Variants in TMPRSS9 observed in about 807,000 individuals in gnomAD.
TMPRSS9 encodes the protein transmembrane serine protease 9.
TMPRSS9 carries 113 observed loss-of-function variants against 111.4 expected under a neutral mutation model. The observed-to-expected ratio is 1.01, with a 90% CI of 0.87 to 1.19. The LOEUF (loss-of-function observed/expected upper bound fraction) is 1.19. Among genes scored for constraint, TMPRSS9 ranks in the 50% most tolerant of loss-of-function variants. The probability of loss-of-function intolerance (pLI) is 0.00; values close to 1 mark genes in which losing one functional copy is unlikely to be tolerated. For synonymous variants in TMPRSS9, 805 were observed against 659.1 expected, an observed-to-expected ratio of 1.22 and a Z score of -3.39; for missense variants, 1,803 against 1,513.1, an observed-to-expected ratio of 1.19 and a Z score of -3.18.
At chr19:2,365,654 GC>G (rs1344331687) in intron 1 of TMPRSS9, among the ~76,000 whole-genome samples, 1 of 152,124 alleles carries the variant, frequency 6.6e-6, no homozygotes, top group Non-Finnish European at 1.5e-5. Flanking sequence ...AGACAGGTGG[GC>G]AAGACAGCTA....
intron 11 of TMPRSS9, chr19:2,416,094 C>T (rs1360053090): frequency 4.5e-6 from 2 of 447,654 alleles, no homozygotes; most frequent in Non-Finnish European, 7.9e-6. Flanking sequence ...TTGGAGATTC[C>T]CAGGCATGGT....
At chr19:2,369,433 G>A (rs1340860102) in intron 1 of TMPRSS9, among the ~76,000 whole-genome samples, 1 of 151,600 alleles carries the variant, frequency 6.6e-6, no homozygotes, top group Non-Finnish European at 1.5e-5. Flanking sequence ...GCTTTTGTTT[G>A]TTTAAGACAG....
intron 3 of TMPRSS9, 43 bp from the exon 5 acceptor site, chr19:2,398,975 C>T (rs778522017): frequency 1.1e-4 from 174 of 1,585,574 alleles, no homozygotes; most frequent in Middle Eastern, 3.3e-4. Flanking sequence ...TCCAGCAGGG[C>T]GGAGCCCCTC....
chr19:2,419,675 TC>T (rs1459373079), intron 13 of TMPRSS9, among the ~76,000 whole-genome samples: 1 of 151,520 alleles, frequency 6.6e-6, no homozygotes, highest in Non-Finnish European at 1.5e-5. Context: ...TGCCTCCACG[TC>T]CAGCTAATTT....
chr19:2,425,175 T>G, exon 16 of TMPRSS9: 1 of 1,555,290 alleles, frequency 6.4e-7, no homozygotes, highest in Non-Finnish European at 8.6e-7. Flanking sequence ...CGCAGCCGCC[T>G]GGTGCGTCCC....
intron 1 of TMPRSS9, among the ~76,000 whole-genome samples, chr19:2,373,326 G>A (rs1857852230): frequency 6.6e-6 from 1 of 152,058 alleles, no homozygotes; most frequent in Admixed American, 6.6e-5. Flanking sequence ...TGCCTCCCGG[G>A]TTCAAGTGAT....
chr19:2,404,624 G>A (rs1970930428), intron 6 of TMPRSS9, among the ~76,000 whole-genome samples: 1 of 151,572 alleles, frequency 6.6e-6, no homozygotes, highest in Admixed American at 6.6e-5. Context: ...TTCATGATCA[G>A]TAGTGACAAA....
chr19:2,366,554 T>C (rs1408282717), intron 1 of TMPRSS9, among the ~76,000 whole-genome samples: 1 of 152,142 alleles, frequency 6.6e-6, no homozygotes, highest in East Asian at 1.9e-4. Flanking sequence ...CTCATGAGGT[T>C]GCAGTTAAGA....
At chr19:2,392,648 C>T (rs1473676422) in intron 1 of TMPRSS9, among the ~76,000 whole-genome samples, 4 of 152,166 alleles carry the variant, frequency 2.6e-5, no homozygotes, top group African/African-American at 9.7e-5. Flanking sequence ...GTATATGCAC[C>T]AGTGAACACT....
At chr19:2,380,991 C>G (rs1970381249) in intron 1 of TMPRSS9, among the ~76,000 whole-genome samples, 1 of 152,070 alleles carries the variant, frequency 6.6e-6, no homozygotes, top group Admixed American at 6.6e-5. Context: ...GACGGCGTGT[C>G]TAAATCAAAG....
upstream of TMPRSS9, among the ~76,000 whole-genome samples, chr19:2,386,504 CAA>C (rs954685263): frequency 1.7e-5 from 2 of 114,486 alleles, no homozygotes; most frequent in African/African-American, 3.2e-5. Flanking sequence ...GACTCCGTCT[CAA>C]AAAAAAAAAA....
rs200272996 is a variant in TMPRSS9 at position 2,363,813 on chromosome 19, CGT to C, written c.-26+3463_-26+3464del. Among the ~76,000 whole-genome samples the C allele has an allele frequency of 6.8e-3, 765 of 112,854 alleles. 6 individuals are homozygous for C. The highest frequency in any genetic ancestry group is 0.011 in the Non-Finnish European group (608 of 57,692). 74.0% of individuals were successfully genotyped at this position (112,854 alleles called of 152,430 possible). A position where few individuals can be genotyped will look rare whatever the true frequency, so the allele number is the denominator to read the frequency against. ...GAGTGTGTGTGTGTGTGCGTGCGCG[CGT>C]GTGTGTGTGAGAGAGAGAGAGAGAG... On this transcript the variant is annotated intron_variant, in intron 1 of 17. Transcript: ENST00000649857.
intron 1 of TMPRSS9, among the ~76,000 whole-genome samples, chr19:2,391,261 T>TAAAAAAAAAAAA (rs1555677770): frequency 4.0e-5 from 3 of 75,172 alleles, no homozygotes; most frequent in African/African-American, 6.3e-5. Context: ...AAAAAAAAAG[T>TAAAAAAAAAAAA]TAATTTTAAC....
intron 1 of TMPRSS9, among the ~76,000 whole-genome samples, chr19:2,395,816 G>A (rs1010789088): frequency 2.6e-5 from 4 of 152,086 alleles, no homozygotes; most frequent in Admixed American, 2.6e-4. Context: ...GACCATCCTG[G>A]CTAACACAGT....
At chr19:2,379,653 C>CTTTCTTT (rs1970369174) in intron 1 of TMPRSS9, among the ~76,000 whole-genome samples, 1 of 149,408 alleles carries the variant, frequency 6.7e-6, no homozygotes, top group South Asian at 2.1e-4. Flanking sequence ...TTCTTTCTTT[C>CTTTCTTT]TTTCTTTCTT....
chr19:2,360,615 A>T (rs1404737101), intron 1 of TMPRSS9, among the ~76,000 whole-genome samples: 1 of 151,742 alleles, frequency 6.6e-6, no homozygotes, highest in Non-Finnish European at 1.5e-5. Flanking sequence ...GTGTGGACTC[A>T]GGTGCCGCGT....
chr19:2,375,932 G>C (rs533856634), intron 1 of TMPRSS9, among the ~76,000 whole-genome samples: 1 of 152,218 alleles, frequency 6.6e-6, no homozygotes, highest in South Asian at 2.1e-4. Context: ...ATTATGAGTT[G>C]GGCAGCTCCC....
Position 2,401,840 on chromosome 19 carries a change from G to A in TMPRSS9, c.515-135G>A, listed in dbSNP as rs914472291. 2.0e-4 allele frequency: 92 copies of A among 466,460 alleles called. 1 individual carries two copies. Among genetic ancestry groups the A allele is most frequent in the African/African-American group, 1.2e-3 (58 of 47,222 alleles). 28.9% of individuals were successfully genotyped at this position (466,460 alleles called of 1,614,324 possible). A position where few individuals can be genotyped will look rare whatever the true frequency, so the allele number is the denominator to read the frequency against. ...CCAGGCTGGTCTGTAACTCCTGACC[G>A]CAAATGATCCACCCGCCTCAGCCTC... On this transcript the variant is annotated intron_variant, in intron 4 of 17. Transcript: ENST00000648592.
rs867499195 is a variant in TMPRSS9, at chr19:2,416,620, C to T, written c.1828C>T (p.Arg610Trp). 4.5e-5 allele frequency: 72 copies of T among 1,612,566 alleles called. 1 individual carries two copies. Among genetic ancestry groups the T allele is most frequent in the African/African-American group, 3.5e-4 (26 of 74,910 alleles). ...CGGGAGCCCGGTGAAGATCGGGCTGCGGCGGGTAGTGCTGCACCCCCTCTA... is the reference window on the plus strand; with the variant it reads ...CGGGAGCCCGGTGAAGATCGGGCTGTGGCGGGTAGTGCTGCACCCCCTCTA... Residue 610 changes from arginine to tryptophan, a missense_variant, in exon 12 of 18, where the codon CGG (arginine) becomes TGG (tryptophan). Coordinates refer to ENST00000648592, the Ensembl canonical transcript of TMPRSS9.
Sources: gnomAD v4.1 joint callset for allele counts (sites outside exome capture counted in the v4.1 genomes callset) on GRCh38, gnomAD v4.1.1 for gene constraint, MANE v1.5 for transcripts, NCBI Gene and HGNC (gene_info 2026-07-23, HGNC 2026-07-21) for gene names.